AFG2A: variants seen among roughly 807,000 people sequenced by gnomAD.
AFG2A encodes ATPase family gene 2 protein homolog A.
the AFG2A span, among the ~76,000 whole-genome samples, chr4:123,150,901 G>T: frequency 6.6e-6 from 1 of 152,126 alleles, no homozygotes; most frequent in Non-Finnish European, 1.5e-5. Context: ...AAGCAGCATG[G>T]TACTGGTACC....
At chr4:123,136,088 TTAAC>T in the AFG2A span, among the ~76,000 whole-genome samples, 162 of 152,338 alleles carry the variant, frequency 1.1e-3, 3 homozygotes, top group African/African-American at 3.5e-3. Context: ...CTCAGTGTCT[TTAAC>T]TAATAATTTA....
the AFG2A span, among the ~76,000 whole-genome samples, chr4:123,100,860 C>T: frequency 2.0e-5 from 3 of 151,918 alleles, no homozygotes; most frequent in Non-Finnish European, 4.4e-5. Context: ...AAAATTAGCT[C>T]CTCTAAGTTT....
chr4:123,177,216 C>T, the AFG2A span, among the ~76,000 whole-genome samples: 2,638 of 129,426 alleles, frequency 0.02, 56 homozygotes, highest in South Asian at 0.11. Context: ...TTTTTTGAGA[C>T]GGAGTCTTAC....
chr4:123,003,401 T>A, the AFG2A span, among the ~76,000 whole-genome samples: 1 of 152,172 alleles, frequency 6.6e-6, no homozygotes. Flanking sequence ...GAGTTTCCAG[T>A]TTTTCTGCTC....
chr4:123,237,419 TC>T, the AFG2A span, among the ~76,000 whole-genome samples: 1 of 151,722 alleles, frequency 6.6e-6, no homozygotes, highest in Non-Finnish European at 1.5e-5. Flanking sequence ...ATGGCTATAA[TC>T]CCAGCACTTT....
chr4:123,230,983 G>T, the AFG2A span, among the ~76,000 whole-genome samples: 4 of 152,070 alleles, frequency 2.6e-5, no homozygotes, highest in Non-Finnish European at 4.4e-5. Flanking sequence ...TGTCTTGCAG[G>T]CTTGGTTGTT....
the AFG2A span, among the ~76,000 whole-genome samples, chr4:123,235,673 A>G: frequency 2.6e-5 from 4 of 152,328 alleles, no homozygotes; most frequent in South Asian, 8.3e-4. Flanking sequence ...CAAATAAATC[A>G]TTCCTTTTCA....
chr4:123,272,638 T>A, the AFG2A span, among the ~76,000 whole-genome samples: 1 of 152,170 alleles, frequency 6.6e-6, no homozygotes, highest in Non-Finnish European at 1.5e-5. Context: ...ACAGGCATCG[T>A]AGCCTACTCA....
the AFG2A span, among the ~76,000 whole-genome samples, chr4:123,173,481 G>A: frequency 6.7e-5 from 10 of 149,218 alleles, no homozygotes; most frequent in East Asian, 6.1e-4. Flanking sequence ...TCAGCCTCCC[G>A]AGTAGCTGGG....
At chr4:122,929,311 G>C in the AFG2A span, 2 of 1,243,750 alleles carry the variant, frequency 1.6e-6, no homozygotes, top group Middle Eastern at 2.5e-4. Context: ...ATTTTAAAAA[G>C]TAGAGAGAAA....
the AFG2A span, among the ~76,000 whole-genome samples, chr4:123,095,056 T>C: frequency 1.9e-5 from 1 of 52,016 alleles, no homozygotes. Context: ...TATATATATA[T>C]ATATATATAT....
the AFG2A span, among the ~76,000 whole-genome samples, chr4:123,120,723 C>G: frequency 6.6e-6 from 1 of 152,132 alleles, no homozygotes; most frequent in Non-Finnish European, 1.5e-5. Flanking sequence ...TAGTGCATTA[C>G]TCTTGTGGCA....
chr4:123,172,949 AT>A, the AFG2A span, among the ~76,000 whole-genome samples: 2 of 152,182 alleles, frequency 1.3e-5, no homozygotes, highest in African/African-American at 4.8e-5. Context: ...TTTGTAATTA[AT>A]TTTCTTACAT....
At chr4:122,946,563 C>A in the AFG2A span, among the ~76,000 whole-genome samples, 15 of 151,750 alleles carry the variant, frequency 9.9e-5, no homozygotes, top group African/African-American at 3.6e-4. Flanking sequence ...ATGCTTGTCT[C>A]TGGGTCATCT....
the AFG2A span, chr4:123,316,302 G>T: frequency 6.6e-6 from 1 of 152,196 alleles, no homozygotes; most frequent in South Asian, 2.1e-4. Flanking sequence ...TAATATTTAA[G>T]AATTAGTTTA....
chr4:123,284,664 T>C, the AFG2A span, among the ~76,000 whole-genome samples: 1 of 152,176 alleles, frequency 6.6e-6, no homozygotes, highest in Non-Finnish European at 1.5e-5. Flanking sequence ...TTGGGGGTAC[T>C]ACATTTTGGG....
At chr4:123,095,328 G>GAT in the AFG2A span, among the ~76,000 whole-genome samples, 1 of 151,880 alleles carries the variant, frequency 6.6e-6, no homozygotes, top group Non-Finnish European at 1.5e-5. Flanking sequence ...CTACTCAGAT[G>GAT]ATATATACTG....
the AFG2A span, among the ~76,000 whole-genome samples, chr4:123,303,700 G>T: frequency 9.9e-5 from 15 of 152,130 alleles, no homozygotes; most frequent in South Asian, 2.5e-3. Flanking sequence ...GGTCAAGACT[G>T]CAGTGACCCA....
chr4:122,938,222 C>G, the AFG2A span: 1 of 1,606,036 alleles, frequency 6.2e-7, no homozygotes. Context: ...TGGCTTCACT[C>G]TTAACACTGA....
Sources: allele counts gnomAD v4.1 joint callset (sites outside exome capture counted in the v4.1 genomes callset), GRCh38; gene constraint gnomAD v4.1.1; transcripts MANE v1.5; gene names NCBI Gene and HGNC (gene_info 2026-07-23, HGNC 2026-07-21).